The following SLC22A9 variants were observed in gnomAD, a reference collection of about 807,000 sequenced individuals.
SLC22A9 encodes the protein organic anion transporter 7.
In SLC22A9, 64 loss-of-function variants were observed where a neutral mutation model predicts 50.1. The ratio of observed to expected loss-of-function variants is 1.28; its 90% CI spans 1.04 to 1.57. The LOEUF (loss-of-function observed/expected upper bound fraction) is 1.57, where lower values mean the gene tolerates loss of function less well. SLC22A9 is among the 40% of genes most tolerant of loss of function. The pLI is 0.00. For missense variants in SLC22A9, 757 were observed against 676.1 expected (o/e 1.12, Z -1.33); for synonymous variants, 261 against 242.5 (o/e 1.08, Z -0.71).
chr11:63,371,308 A>G, intron 2 of SLC22A9, 70 bp downstream of exon 2: 3 of 1,216,488 alleles, frequency 2.5e-6, no homozygotes, highest in Non-Finnish European at 3.6e-6. Flanking sequence ...TATTTCATCT[A>G]GAATTACTTA....
intron 9 of SLC22A9, 81 bp downstream of exon 9, chr11:63,408,960 C>A: frequency 4.2e-6 from 6 of 1,415,226 alleles, no homozygotes; most frequent in Non-Finnish European, 5.0e-6. Context: ...CCATTTAGGG[C>A]CACTGTCCTC....
chr11:63,377,350 A>G (rs139823898), intron 5 of SLC22A9, among the ~76,000 whole-genome samples: 1 of 152,004 alleles, frequency 6.6e-6, no homozygotes, highest in African/African-American at 2.4e-5. Context: ...AAGTAAACCA[A>G]CCACACTCCT....
chr11:63,375,267 G>C (rs112745008), intron 4 of SLC22A9, among the ~76,000 whole-genome samples: 5,191 of 152,208 alleles, frequency 0.034, 124 homozygotes, highest in Non-Finnish European at 0.056. Context: ...TAAATTATTT[G>C]AGGGACTTTA....
At chr11:63,396,956 T>C (rs1447622445) in intron 6 of SLC22A9, among the ~76,000 whole-genome samples, 1 of 152,148 alleles carries the variant, frequency 6.6e-6, no homozygotes, top group Admixed American at 6.5e-5. Context: ...CACTGAAAAC[T>C]TAGGTATTTA....
rs777127404 is a variant in SLC22A9 at position 63,375,730 on chromosome 11, AG to A, written c.917del (p.Ser306MetfsTer3). The A allele has an allele frequency of 6.2e-7, 1 of 1,612,732 alleles. No homozygotes were observed. The highest frequency in any genetic ancestry group is 1.1e-5 in the South Asian group (1 of 91,032). On this transcript the variant is annotated frameshift_variant, in exon 5 of 10. Transcript: ENST00000279178. LOFTEE classifies it high-confidence loss of function. ...LKELRKAAHR[S>X]GMKNARDTLT... The stretch of plus-strand genomic sequence containing the variant: ...GGAACTTAGAAAAGCTGCACACAGG[AG>A]TGGAATGAAGAATGCCAGAGACACC...
At chr11:63,370,630 G>A (rs894597401) in intron 1 of SLC22A9, among the ~76,000 whole-genome samples, 172 bp downstream of exon 1, 3 of 152,154 alleles carry the variant, frequency 2.0e-5, no homozygotes, top group Non-Finnish European at 4.4e-5. Context: ...TTTGAGTAAT[G>A]AATTCCAAAG....
intron 2 of SLC22A9, among the ~76,000 whole-genome samples, chr11:63,372,119 G>C (rs1024295509): frequency 9.2e-5 from 14 of 152,272 alleles, no homozygotes; most frequent in African/African-American, 3.1e-4. Flanking sequence ...ATAGATCACA[G>C]GGTGGTAAAA....
Position 63,375,776 on chromosome 11 carries a change from G to C in SLC22A9, c.954+8G>C. 6.2e-7 allele frequency: 1 copy of C among 1,610,816 alleles called. No homozygotes were observed. The highest frequency in any genetic ancestry group is 2.2e-5 in the East Asian group (1 of 44,800). On this transcript the variant is annotated splice_region_variant and intron_variant, in intron 5 of 9. Transcript: ENST00000279178. ...GACACCCTAACCCTGGAGGTGAGCT[G>C]GATGGGAGCTAGATATGGGATGTAG...
rs182247457 is a variant in SLC22A9 at position 63,406,510 on chromosome 11, A to G, written c.1087A>G (p.Met363Val). The G allele has an allele frequency of 7.3e-4, 1,184 of 1,613,552 alleles. 5 individuals carry two copies. Among genetic ancestry groups the G allele is most frequent in the South Asian group, 1.7e-3 (156 of 91,062 alleles). The change falls in exon 7 of 10, where the codon ATG becomes GTG. Residue 363 changes from methionine to valine, a missense_variant. Transcript: ENST00000279178. ...TAATCATCACAGATTTGCAAACTTT[A>G]TGGCCTATTTTGGCCTTAATCTCCA... ...LLSFTRFANFMAYFGLNLHVQ... is the reference protein window; with the variant it reads ...LLSFTRFANFVAYFGLNLHVQ...
chr11:63,378,341 C>A (rs1389809398), intron 5 of SLC22A9, among the ~76,000 whole-genome samples: 1 of 151,946 alleles, frequency 6.6e-6, no homozygotes, highest in Non-Finnish European at 1.5e-5. Flanking sequence ...ATATTACAAA[C>A]CCTCAACAAA....
At chr11:63,405,114 A>AAATAATAAT (rs1210823050) in intron 6 of SLC22A9, among the ~76,000 whole-genome samples, 5 of 151,826 alleles carry the variant, frequency 3.3e-5, no homozygotes, top group African/African-American at 9.7e-5. Context: ...AAAGCTATTG[A>AAATAATAAT]AATAATAACA....
rs967052146 is a variant in SLC22A9, at chr11:63,370,060, G to A, written c.4G>A (p.Ala2Thr). 5.6e-6 allele frequency: 9 copies of A among 1,609,620 alleles called. No homozygotes were observed. The highest frequency in any genetic ancestry group is 7.6e-6 in the Non-Finnish European group (9 of 1,177,644). ...GAGGATCAACTGTTCAACCTCAATG[G>A]CCTTTCAGGACCTCCTGGGTCACGC... M[A>T]FQDLLGHAGD... The change falls in exon 1 of 10, where the codon GCC (alanine) becomes ACC (threonine). Residue 2 changes from alanine (A) to threonine (T), a missense_variant. Transcript: ENST00000279178.
intron 6 of SLC22A9, among the ~76,000 whole-genome samples, chr11:63,404,550 T>G (rs2015004755): frequency 6.6e-6 from 1 of 152,020 alleles, no homozygotes; most frequent in Non-Finnish European, 1.5e-5. Flanking sequence ...AATGAATAAG[T>G]GTTTTGAGAG....
In SLC22A9 at chr11:63,370,230, T is replaced by A. The variant is rs780280504; in HGVS notation, c.174T>A (p.Thr58=). The change falls in exon 1 of 10, where the codon ACT becomes ACA. Residue 58 remains threonine, a synonymous_variant. Transcript: ENST00000279178. ...GGGTCCACATCCTGGACAATGACAC[T>A]GTCTCTGACAATGACACTGGGGCCC... ...RCWVHILDND[T]VSDNDTGALS... 1.2e-6 allele frequency: 2 copies of A among 1,614,070 alleles called. No homozygotes were observed. The highest frequency in any genetic ancestry group is 1.7e-6 in the Non-Finnish European group (2 of 1,179,932).
At chr11:63,388,047 C>G (rs1233754898) in intron 6 of SLC22A9, among the ~76,000 whole-genome samples, 1 of 151,928 alleles carries the variant, frequency 6.6e-6, no homozygotes, top group Non-Finnish European at 1.5e-5. Flanking sequence ...GAATTTATTT[C>G]TTGTTTCTAA....
At chr11:63,408,533 A>G (rs1379601735) in intron 8 of SLC22A9, 143 bp from the exon 9 acceptor site, 1 of 771,314 alleles carries the variant, frequency 1.3e-6, no homozygotes, top group South Asian at 1.9e-5. Flanking sequence ...GCTAGCAAAT[A>G]AAAGTGAAAA....
intron 4 of SLC22A9, among the ~76,000 whole-genome samples, chr11:63,375,054 G>C (rs2014436645): frequency 6.6e-6 from 1 of 152,132 alleles, no homozygotes; most frequent in Non-Finnish European, 1.5e-5. Context: ...GAAGAGTTCA[G>C]ATAGAAAAGT....
At chr11:63,404,245 T>C (rs777781112) in intron 6 of SLC22A9, among the ~76,000 whole-genome samples, 4 of 120,772 alleles carry the variant, frequency 3.3e-5, no homozygotes, top group Non-Finnish European at 6.2e-5. Context: ...ATTTCACTTA[T>C]ATGAGATATC....
chr11:63,408,560 A>G (rs933496924), intron 8 of SLC22A9, 116 bp from the exon 9 acceptor site: 1 of 913,152 alleles, frequency 1.1e-6, no homozygotes, highest in African/African-American at 1.7e-5. Flanking sequence ...ACACAGGAGT[A>G]TTTCATCACC....
Sources: allele counts gnomAD v4.1 joint callset (sites outside exome capture counted in the v4.1 genomes callset), GRCh38; gene constraint gnomAD v4.1.1; transcripts MANE v1.5; gene names NCBI Gene and HGNC (gene_info 2026-07-23, HGNC 2026-07-21).